ITPR2: variants seen among roughly 807,000 people sequenced by gnomAD.
ITPR2 encodes inositol 1,4,5-trisphosphate receptor type 2.
Under a neutral mutation model 317.1 loss-of-function variants are expected in ITPR2, and 207 were observed. That is an observed-to-expected ratio of 0.65 (90% CI 0.58 to 0.73). The LOEUF (loss-of-function observed/expected upper bound fraction) is 0.73, where lower values mean the gene tolerates loss of function less well. Ranked by LOEUF, ITPR2 falls within the 30% of genes least tolerant of loss-of-function variation. The pLI, the probability that ITPR2 is intolerant of heterozygous loss-of-function variation, is 0.00. For missense variants in ITPR2, 2,613 were observed against 3,284.0 expected (o/e 0.80, Z 4.99); for synonymous variants, 1,156 against 1,149.1 (o/e 1.01, Z -0.12).
chr12:26,404,468 T>C (rs562183575), intron 52 of ITPR2, among the ~76,000 whole-genome samples: 69 of 152,042 alleles, frequency 4.5e-4, no homozygotes, highest in Non-Finnish European at 4.1e-4. Context: ...GACAATAATT[T>C]TAAAGATGTC....
At chr12:26,743,445 A>C (rs1592089080) in intron 2 of ITPR2, among the ~76,000 whole-genome samples, 1 of 152,346 alleles carries the variant, frequency 6.6e-6, no homozygotes, top group African/African-American at 2.4e-5. Context: ...GTTTTGTTGA[A>C]TGTATTTCAG....
intron 2 of ITPR2, among the ~76,000 whole-genome samples, chr12:26,730,386 T>C (rs1177683862): frequency 6.6e-6 from 1 of 152,210 alleles, no homozygotes; most frequent in Non-Finnish European, 1.5e-5. Context: ...GGTGTAATAC[T>C]GTTAAGAAAA....
chr12:26,655,752 G>T lies in ITPR2; in HGVS notation c.2545C>A (p.Pro849Thr). The change falls in exon 20 of 57, where the codon CCC becomes ACC. Residue 849 changes from proline to threonine, a missense_variant. Physicochemically the swap from Pro to Thr is conservative, Grantham distance 38 (BLOSUM62 -1). Transcript: ENST00000381340. ...TTTTCTTTATCCCCAAAAGGAAAGG[G>T]CTGGTTTACAACTTCTTTCAAATAT... The part of the protein sequence containing the change: ...EEYLKEVVNQ[P>T]FPFGDKEKNK... The T allele has an allele frequency of 6.2e-7, 1 of 1,613,048 alleles. No homozygotes were observed. The highest frequency in any genetic ancestry group is 1.1e-5 in the South Asian group (1 of 91,054).
chr12:26,609,629 T>TA (rs11375315), intron 26 of ITPR2, among the ~76,000 whole-genome samples: 45,473 of 148,630 alleles, frequency 0.31, 6,965 homozygotes, highest in Middle Eastern at 0.49. Context: ...ATGGAAAAGT[T>TA]AAAAAAAAAA....
chr12:26,544,863 T>C (rs1944354195), intron 37 of ITPR2, among the ~76,000 whole-genome samples: 1 of 152,162 alleles, frequency 6.6e-6, no homozygotes, highest in Non-Finnish European at 1.5e-5. Flanking sequence ...GTAACCTATG[T>C]GACTTAACGC....
intron 34 of ITPR2, among the ~76,000 whole-genome samples, chr12:26,575,194 T>G (rs1241013529): frequency 6.9e-6 from 1 of 145,434 alleles, no homozygotes. Flanking sequence ...GCATCCTAGA[T>G]GTAACAGTGA....
chr12:26,803,864 G>A (rs1950599869), intron 1 of ITPR2, among the ~76,000 whole-genome samples: 1 of 151,888 alleles, frequency 6.6e-6, no homozygotes, highest in African/African-American at 2.4e-5. Context: ...AAAAACCTCG[G>A]GCAACTGTAG....
At chr12:26,594,700 AT>A (rs138178618) in intron 32 of ITPR2, among the ~76,000 whole-genome samples, 24 of 151,158 alleles carry the variant, frequency 1.6e-4, no homozygotes, top group Non-Finnish European at 3.1e-4. Flanking sequence ...GGAAAATTAG[AT>A]TTTTTTTTAG....
chr12:26,787,710 A>C (rs1199675608), intron 2 of ITPR2, among the ~76,000 whole-genome samples: 1 of 152,180 alleles, frequency 6.6e-6, no homozygotes, highest in Non-Finnish European at 1.5e-5. Flanking sequence ...GTTTTATCAC[A>C]TGATCCCAGA....
At chr12:26,649,105 G>C (rs1947181404) in intron 21 of ITPR2, 1 of 151,988 alleles carries the variant, frequency 6.6e-6, no homozygotes, top group Non-Finnish European at 1.5e-5. Flanking sequence ...TTTATAGAAA[G>C]AGTTGCAAGA....
intron 48 of ITPR2, among the ~76,000 whole-genome samples, chr12:26,433,140 T>A (rs116021263): frequency 0.015 from 2,354 of 152,284 alleles, 42 homozygotes; most frequent in African/African-American, 0.051. Flanking sequence ...GGGCTATAAT[T>A]AAATAACTCA....
chr12:26,805,377 A>G (rs1370792257), intron 1 of ITPR2, among the ~76,000 whole-genome samples: 2 of 152,340 alleles, frequency 1.3e-5, no homozygotes, highest in Middle Eastern at 3.4e-3. Context: ...ATCATTATTA[A>G]TGTTATTTAT....
rs1015186210 is a variant in ITPR2, at chr12:26,479,487, T to C, written c.6123+1644A>G. On this transcript the variant is annotated intron_variant, in intron 43 of 56. Transcript: ENST00000381340. ...TTTAAAGGTATAGTCTTTAGACTAA[T>C]GAAGGATTTTAAAAGCCAAAGATCA... Among the ~76,000 whole-genome samples, 6 of 152,144 alleles carry C rather than the reference T, an allele frequency of 3.9e-5. No individual in the cohort carries two copies. The East Asian group carries it at 9.6e-4, about 24-fold the overall frequency.
In ITPR2 at chr12:26,790,200, G is replaced by A. The variant is rs767890087; in HGVS notation, c.120C>T (p.His40=). The A allele has an allele frequency of 1.2e-5, 20 of 1,613,690 alleles. No individual in the cohort carries two copies. The South Asian group carries it at 2.1e-4, about 17-fold the overall frequency. ...GGTTGGCAAGGTCCCCGGCCTCTGG[G>A]TGCACCACACATCTGTCATCCACTA... ...LGLVDDRCVV[H]PEAGDLANPP... Residue 40 remains histidine, a synonymous_variant, in exon 2 of 57, where the codon CAC becomes CAT. Transcript: ENST00000381340.
intron 46 of ITPR2, among the ~76,000 whole-genome samples, chr12:26,440,488 T>G (rs561863743): frequency 6.6e-6 from 1 of 152,304 alleles, no homozygotes; most frequent in Non-Finnish European, 1.5e-5. Flanking sequence ...TACTCCAGAC[T>G]TCCCATAAGA....
intron 24 of ITPR2, among the ~76,000 whole-genome samples, chr12:26,623,076 T>C (rs1445872722): frequency 1.3e-5 from 2 of 152,238 alleles, no homozygotes; most frequent in African/African-American, 4.8e-5. Flanking sequence ...TTCTTGATTC[T>C]TGTTTGTCTT....
chr12:26,357,286 C>A (rs898628822), intron 55 of ITPR2, among the ~76,000 whole-genome samples: 1 of 151,946 alleles, frequency 6.6e-6, no homozygotes, highest in Non-Finnish European at 1.5e-5. Context: ...ATTCACATGG[C>A]CAATGATTCA....
rs1938062144 is a variant in ITPR2, at chr12:26,340,215, C to G, written c.7971G>C (p.Met2657Ile). 1.9e-6 allele frequency: 3 copies of G among 1,610,398 alleles called. No homozygotes were observed. The highest frequency in any genetic ancestry group is 3.4e-5 in the Admixed American group (2 of 59,500). Residue 2657 changes from methionine (M) to isoleucine (I), a missense_variant, in exon 56 of 57, where the codon ATG becomes ATC. This residue lies in a region of ITPR2 where 119 missense variants were observed against 144.3 expected (regional missense o/e 0.82). Coordinates refer to ENST00000381340, the MANE Select transcript of ITPR2 (RefSeq NM_002223.4). Reference sequence around the variant, plus strand: ...GACCCGACAGCTGTTTGACCAGACTCATGGTCGATTCCAACTTCTCCTGAA... The same window carrying G: ...GACCCGACAGCTGTTTGACCAGACTGATGGTCGATTCCAACTTCTCCTGAA... ...RSLQEKLEST[M>I]SLVKQLSGQL...
chr12:26,416,945 A>G (rs1940738816), intron 50 of ITPR2, among the ~76,000 whole-genome samples: 1 of 152,134 alleles, frequency 6.6e-6, no homozygotes, highest in Non-Finnish European at 1.5e-5. Context: ...CTAAAAATGC[A>G]TATGCCTGGG....
Sources: gnomAD v4.1 joint callset for allele counts (sites outside exome capture counted in the v4.1 genomes callset) on GRCh38, gnomAD v4.1.1 for gene constraint, gnomAD v4.1.1 regional missense constraint, MANE v1.5 for transcripts, NCBI Gene and HGNC (gene_info 2026-07-23, HGNC 2026-07-21) for gene names.